Variants in KIF13A observed in about 807,000 individuals in gnomAD.
KIF13A encodes the protein kinesin-like protein KIF13A.
In KIF13A, 79 loss-of-function variants were observed where a neutral mutation model predicts 212.2. The ratio of observed to expected loss-of-function variants is 0.37; its 90% CI spans 0.31 to 0.45. The LOEUF (loss-of-function observed/expected upper bound fraction) is 0.45. KIF13A is among the 20% of genes least tolerant of loss of function. The pLI, the probability that KIF13A is intolerant of heterozygous loss-of-function variation, is 1.00. For synonymous variants in KIF13A, 789 were observed against 808.6 expected (o/e 0.98, Z 0.41); for missense variants, 1,901 against 2,209.0 (o/e 0.86, Z 2.79).
chr6:17,975,417 T>TA (rs1183276549), intron 2 of KIF13A, among the ~76,000 whole-genome samples: 5 of 152,164 alleles, frequency 3.3e-5, no homozygotes, highest in Admixed American at 2.0e-4. Context: ...TTTTTTCCTT[T>TA]TGGTGGGTTC....
chr6:17,776,636 G>A lies in KIF13A; in HGVS notation c.4170+641C>T, dbSNP rs982216824. ...TAAATAATTTTCTGGCAATTCTAGA[G>A]AACAGGAAGGCAAATAAGCCTGTGT... On this transcript the variant is annotated intron_variant, in intron 34 of 38. Transcript: ENST00000259711. The surrounding 1 kb of genome is among the most constrained non-coding windows in gnomAD (Gnocchi z 4.6). Among the ~76,000 whole-genome samples, 5 of 152,200 alleles carry A rather than the reference G, an allele frequency of 3.3e-5. No homozygotes were observed. The highest frequency in any genetic ancestry group is 5.9e-5 in the Non-Finnish European group (4 of 68,032).
intron 20 of KIF13A, among the ~76,000 whole-genome samples, chr6:17,802,923 G>GTTTT (rs57190220): frequency 8.8e-5 from 12 of 135,648 alleles, no homozygotes; most frequent in African/African-American, 3.1e-4. Context: ...ATTTTTTTGT[G>GTTTT]TTTTTTTTGT....
intron 3 of KIF13A, among the ~76,000 whole-genome samples, chr6:17,885,789 C>T (rs1581635979): frequency 6.6e-6 from 1 of 152,190 alleles, no homozygotes; most frequent in South Asian, 2.1e-4. Context: ...AGCAATGAAG[C>T]ACTAATTCAG....
At chr6:17,805,401 G>A in intron 19 of KIF13A, 74 bp downstream of exon 19, 1 of 753,134 alleles carries the variant, frequency 1.3e-6, no homozygotes, top group Non-Finnish European at 2.2e-6. Flanking sequence ...GTGTGTGTGT[G>A]TGTGTGTTGC....
chr6:17,787,076 C>T lies in KIF13A; in HGVS notation c.3361+700G>A, dbSNP rs1412125525. On this transcript the variant is annotated intron_variant, in intron 27 of 38. Transcript: ENST00000259711. This position sits in a 1 kb window ranked among gnomAD's most constrained non-coding sequence, Gnocchi z 4.6. Reference sequence around the variant, plus strand: ...GAACCAGCGGAGTGCATGGCAATGGCCCAACAGTGGATAGGTGCTGACCTG... The same window carrying T: ...GAACCAGCGGAGTGCATGGCAATGGTCCAACAGTGGATAGGTGCTGACCTG... Among the ~76,000 whole-genome samples the T allele has an allele frequency of 1.3e-5, 2 of 152,178 alleles. No homozygotes were observed. The highest frequency in any genetic ancestry group is 4.8e-5 in the African/African-American group (2 of 41,442).
Position 17,961,974 on chromosome 6 carries a change from T to C in KIF13A, c.146+25080A>G, listed in dbSNP as rs913282154. On this transcript the variant is annotated intron_variant, in intron 2 of 38. Transcript: ENST00000259711. This position sits in a 1 kb window ranked among gnomAD's most constrained non-coding sequence, Gnocchi z 4.1. Reference sequence around the variant, plus strand: ...AGTTCAACGGGCAATGGTTTTTCTTTTGTGTGGCACCTACATACCAATGTG... The same window carrying C: ...AGTTCAACGGGCAATGGTTTTTCTTCTGTGTGGCACCTACATACCAATGTG... Among the ~76,000 whole-genome samples, 3 of 152,200 alleles carry C rather than the reference T, an allele frequency of 2.0e-5. No individual in the cohort carries two copies. Among genetic ancestry groups the C allele is most frequent in the Admixed American group, 1.3e-4 (2 of 15,272 alleles).
rs772204676 is a variant in KIF13A, at chr6:17,849,412, T to C, written c.795A>G (p.Ala265=). 1.9e-6 allele frequency: 3 copies of C among 1,613,652 alleles called. No homozygotes were observed. The highest frequency in any genetic ancestry group is 2.5e-6 in the Non-Finnish European group (3 of 1,179,718). Residue 265 remains alanine, a synonymous_variant, in exon 9 of 39, where the codon GCA becomes GCG. Transcript: ENST00000259711. The surrounding 1 kb of genome is among the most constrained non-coding windows in gnomAD (Gnocchi z 5.7). ...GSERVSKTGA[A]GERLKEGSNI... is the part of the protein sequence containing the mutation. ...TGCTGCCTTCTTTCAGTCGCTCTCC[T>C]GCAGCTCCTGTTTTAGATACTCTTT...
chr6:17,923,342 T>G (rs1388550890), intron 2 of KIF13A, among the ~76,000 whole-genome samples: 2 of 151,864 alleles, frequency 1.3e-5, no homozygotes, highest in East Asian at 3.8e-4. Context: ...AAGCAGTGAT[T>G]CTCTCCAAAT....
At chr6:17,959,406 G>A (rs1446823238) in intron 2 of KIF13A, among the ~76,000 whole-genome samples, 1 of 152,178 alleles carries the variant, frequency 6.6e-6, no homozygotes, top group African/African-American at 2.4e-5. Context: ...CAAAAAAAGA[G>A]TTTTATAAAA....
In KIF13A at chr6:17,828,954, T is replaced by G. The variant is rs1765199248; in HGVS notation, c.1402-584A>C. Among the ~76,000 whole-genome samples, 1 of 150,208 alleles carries G rather than the reference T, an allele frequency of 6.7e-6. No individual in the cohort carries two copies. Among genetic ancestry groups the G allele is most frequent in the South Asian group, 2.1e-4 (1 of 4,774 alleles). On this transcript the variant is annotated intron_variant, in intron 13 of 38. Transcript: ENST00000259711. The surrounding 1 kb of genome is among the most constrained non-coding windows in gnomAD (Gnocchi z 4.3). The stretch of plus-strand genomic sequence containing the variant: ...GTCATACCATGTACAAACGTGTGAT[T>G]TTTTTTTTTTTGACATGGTGTCTCA...
chr6:17,905,130 T>TA (rs1319573296), intron 2 of KIF13A, among the ~76,000 whole-genome samples: 1 of 152,272 alleles, frequency 6.6e-6, no homozygotes, highest in East Asian at 1.9e-4. Flanking sequence ...TTGTGATTTT[T>TA]AAAAAAAATT....
At chr6:17,916,153 GTAT>G (rs1774498079) in intron 2 of KIF13A, among the ~76,000 whole-genome samples, 1 of 152,114 alleles carries the variant, frequency 6.6e-6, no homozygotes, top group Non-Finnish European at 1.5e-5. Context: ...GTTCATGGCA[GTAT>G]TATTCTCTAG....
At chr6:17,906,150 A>C (rs1773477845) in intron 2 of KIF13A, among the ~76,000 whole-genome samples, 1 of 152,202 alleles carries the variant, frequency 6.6e-6, no homozygotes, top group African/African-American at 2.4e-5. Context: ...GATCAAACCT[A>C]CAATCACTAC....
At chr6:17,903,203 G>A (rs1773198397) in intron 2 of KIF13A, among the ~76,000 whole-genome samples, 1 of 152,116 alleles carries the variant, frequency 6.6e-6, no homozygotes, top group Non-Finnish European at 1.5e-5. Flanking sequence ...AGTTAAATAT[G>A]GGTTTCTTTA....
intron 2 of KIF13A, among the ~76,000 whole-genome samples, chr6:17,906,106 G>A (rs1459103105): frequency 2.0e-5 from 3 of 152,022 alleles, no homozygotes; most frequent in Non-Finnish European, 4.4e-5. Context: ...GATAAAGCCT[G>A]GTTTGAAAAT....
At chr6:17,824,408 T>C (rs749996353) in intron 16 of KIF13A, among the ~76,000 whole-genome samples, 1 of 152,168 alleles carries the variant, frequency 6.6e-6, no homozygotes. Context: ...TCTTCCCAGA[T>C]AGGCTCAAAG....
At chr6:17,903,340 T>C (rs1214697294) in intron 2 of KIF13A, among the ~76,000 whole-genome samples, 2 of 152,214 alleles carry the variant, frequency 1.3e-5, no homozygotes, top group Non-Finnish European at 2.9e-5. Flanking sequence ...TGGAGGAACA[T>C]ATTTTGGGGG....
chr6:17,796,710 C>A lies in KIF13A; in HGVS notation c.2901G>T (p.Glu967Asp). Residue 967 changes from glutamate to aspartate, a missense_variant, in exon 23 of 39, where the codon GAG becomes GAT. By Grantham distance (45) the Glu-to-Asp change is conservative (BLOSUM62 2). This residue lies in a region of KIF13A where 534 missense variants were observed against 536.9 expected (regional missense o/e 0.99). Coordinates refer to ENST00000259711, the MANE Select transcript of KIF13A (RefSeq NM_022113.6). ...RCAGNGSSIW[E>D]VDSLHAKTRT... is the part of the protein sequence containing the mutation. Reference sequence around the variant, plus strand: ...TTGTCTTAGCATGAAGAGAATCGACCTCCCAGATGGAGCTGCCATTTCCAG... The same window carrying A: ...TTGTCTTAGCATGAAGAGAATCGACATCCCAGATGGAGCTGCCATTTCCAG... 1 of 1,584,250 alleles carries A rather than the reference C, an allele frequency of 6.3e-7. No individual in the cohort carries two copies.
chr6:17,957,217 A>G (rs1778418750), intron 2 of KIF13A, among the ~76,000 whole-genome samples: 1 of 152,100 alleles, frequency 6.6e-6, no homozygotes, highest in African/African-American at 2.4e-5. Context: ...AATCATGTCT[A>G]TATAACAAGA....
Sources: gnomAD v4.1 joint callset for allele counts (sites outside exome capture counted in the v4.1 genomes callset) on GRCh38, gnomAD v4.1.1 for gene constraint, gnomAD v4.1.1 regional missense constraint, Gnocchi (gnomAD v3.1) non-coding constraint, MANE v1.5 for transcripts, NCBI Gene and HGNC (gene_info 2026-07-23, HGNC 2026-07-21) for gene names.